The following CYP3A43 variants were observed in gnomAD, a reference collection of about 807,000 sequenced individuals.
CYP3A43 encodes cytochrome P450 family 3 subfamily A member 43, also known as cytochrome P450 3A43.
A neutral mutation model predicts 58.0 loss-of-function variants in CYP3A43; 45 were observed. The ratio of observed to expected loss-of-function variants is 0.78; its 90% CI spans 0.61 to 0.99. The LOEUF is 0.99. Among genes scored for constraint, CYP3A43 ranks in the 50% least tolerant of loss-of-function variants. The probability of loss-of-function intolerance (pLI) is 0.00; values close to 1 mark genes in which losing one functional copy is unlikely to be tolerated. For synonymous variants in CYP3A43, 191 were observed against 201.4 expected, an observed-to-expected ratio of 0.95 and a Z score of 0.44; for missense variants, 593 against 591.9, an observed-to-expected ratio of 1.00 and a Z score of -0.02.
intron 1 of CYP3A43, among the ~76,000 whole-genome samples, chr7:99,828,492 C>T (rs1816712346): frequency 1.3e-5 from 2 of 152,096 alleles, no homozygotes; most frequent in South Asian, 4.2e-4. Context: ...GAAACCCCTT[C>T]TCTACTAAAA....
chr7:99,836,652 A>C, intron 2 of CYP3A43, 106 bp downstream of exon 2: 1 of 804,270 alleles, frequency 1.2e-6, no homozygotes, highest in Non-Finnish European at 2.0e-6. Context: ...AATGTTTTAC[A>C]CTTTCAGAAA....
chr7:99,839,170 G>A lies in CYP3A43; in HGVS notation c.216G>A (p.Trp72Ter), dbSNP rs1817225330. The change falls in exon 3 of 13, where the codon TGG becomes TGA. Residue 72 changes from tryptophan to a stop codon, truncating the protein, a stop_gained and splice_region_variant. Coordinates refer to ENST00000354829, the MANE Select transcript of CYP3A43 (RefSeq NM_057095.3). LOFTEE classifies it high-confidence loss of function. ...GTAATGAAAAATACGGAGAAATGTG[G>A]GGGTGAGTATTCTGGAAACTTGCAT... ...RECNEKYGEM[W>*]GLYEGQQPML... is the part of the protein sequence containing the mutation. 2 of 1,613,996 alleles carry A rather than the reference G, an allele frequency of 1.2e-6. No individual in the cohort carries two copies. The highest frequency in any genetic ancestry group is 2.2e-5 in the South Asian group (2 of 91,082).
In CYP3A43 at chr7:99,859,836, C is replaced by G; in HGVS notation, c.872C>G (p.Ser291Cys). ...ATATTTCCTCTCCTTTCAGCTCTGTCTGATCTGGAGCTTGTGGCCCAGTCA... is the reference window on the plus strand; with the variant it reads ...ATATTTCCTCTCCTTTCAGCTCTGTGTGATCTGGAGCTTGTGGCCCAGTCA... ...SKETKSHKAL[S>C]DLELVAQSII... is the part of the protein sequence containing the mutation. The change falls in exon 10 of 13, where the codon TCT becomes TGT. Residue 291 changes from serine to cysteine, a missense_variant. Coordinates refer to ENST00000354829, the MANE Select transcript of CYP3A43 (RefSeq NM_057095.3). The G allele has an allele frequency of 6.2e-7, 1 of 1,614,178 alleles. No homozygotes were observed. Among genetic ancestry groups the G allele is most frequent in the Non-Finnish European group, 8.5e-7 (1 of 1,180,022 alleles).
At position 99,855,650 on chromosome 7, in the gene CYP3A43, G is replaced by T. The variant is rs763146841; in HGVS notation, c.730G>T (p.Asp244Tyr). The change falls in exon 8 of 13, where the codon GAT (aspartate) becomes TAT (tyrosine). Residue 244 changes from aspartate to tyrosine, a missense_variant. By Grantham distance (160) the Asp-to-Tyr change is radical. Transcript: ENST00000354829. ...EALNIGLFPK[D>Y]VTHFLKNSIE... ...CCTAAATATCGGTTTGTTTCCAAAAGATGTTACCCATTTTTTAAAAAATTC... is the reference window on the plus strand; with the variant it reads ...CCTAAATATCGGTTTGTTTCCAAAATATGTTACCCATTTTTTAAAAAATTC... 5 of 1,613,496 alleles carry T rather than the reference G, an allele frequency of 3.1e-6. No individual in the cohort carries two copies. Among genetic ancestry groups the T allele is most frequent in the Non-Finnish European group, 4.2e-6 (5 of 1,179,848 alleles).
chr7:99,837,592 A>G (rs1163127698), intron 2 of CYP3A43, among the ~76,000 whole-genome samples: 2 of 152,182 alleles, frequency 1.3e-5, no homozygotes, highest in African/African-American at 4.8e-5. Context: ...TAATGAAGAC[A>G]ATATGGAGGC....
At chr7:99,863,920 T>C (rs1436281839) in intron 12 of CYP3A43, among the ~76,000 whole-genome samples, 1 of 148,624 alleles carries the variant, frequency 6.7e-6, no homozygotes, top group Admixed American at 6.6e-5. Flanking sequence ...CAATATAGAT[T>C]AGCATGGTAT....
chr7:99,854,928 A>G (rs771226683), intron 7 of CYP3A43, among the ~76,000 whole-genome samples: 2 of 150,352 alleles, frequency 1.3e-5, no homozygotes, highest in Non-Finnish European at 3.0e-5. Context: ...TCTGTCACTC[A>G]GGCTGGAGTA....
At chr7:99,859,587 A>C (rs150585827) in intron 9 of CYP3A43, among the ~76,000 whole-genome samples, 7 of 152,294 alleles carry the variant, frequency 4.6e-5, no homozygotes, top group African/African-American at 1.7e-4. Context: ...TGGGGATGGT[A>C]TGATGAGGAG....
At chr7:99,828,378 T>C (rs2151583228) in intron 1 of CYP3A43, among the ~76,000 whole-genome samples, 192 bp downstream of exon 1, 1 of 152,250 alleles carries the variant, frequency 6.6e-6, no homozygotes, top group South Asian at 2.1e-4. Context: ...AAATGTAAAA[T>C]TTAGTCTGGG....
At chr7:99,857,137 G>A (rs1044790847) in intron 9 of CYP3A43, among the ~76,000 whole-genome samples, 1 of 152,190 alleles carries the variant, frequency 6.6e-6, no homozygotes, top group Admixed American at 6.5e-5. Context: ...AGGTCGGTCA[G>A]TGATCTGTGG....
chr7:99,847,633 C>T (rs781512172), intron 5 of CYP3A43, 32 bp downstream of exon 5: 3 of 1,611,092 alleles, frequency 1.9e-6, no homozygotes, highest in East Asian at 2.2e-5. Context: ...TAATTAGAAA[C>T]TTAAAGGATG....
intron 4 of CYP3A43, among the ~76,000 whole-genome samples, chr7:99,845,858 C>T (rs1817526328): frequency 6.6e-6 from 1 of 151,898 alleles, no homozygotes; most frequent in Non-Finnish European, 1.5e-5. Flanking sequence ...TCACTCTAGC[C>T]TCTGCCTCCC....
Position 99,844,174 on chromosome 7 carries a change from A to G in CYP3A43, c.250A>G (p.Ile84Val). 4.3e-6 allele frequency: 7 copies of G among 1,614,048 alleles called. No individual in the cohort carries two copies. The highest frequency in any genetic ancestry group is 5.9e-6 in the Non-Finnish European group (7 of 1,179,996). The change falls in exon 4 of 13, where the codon ATC becomes GTC. Residue 84 changes from isoleucine to valine, a missense_variant. Ile to Val is a conservative substitution (Grantham distance 29). Transcript: ENST00000354829. ...LYEGQQPMLV[I>V]MDPDMIKTVL... ...TGAGGGGCAACAGCCCATGCTGGTC[A>G]TCATGGATCCCGACATGATCAAAAC...
At chr7:99,828,392 G>A (rs898387484) in intron 1 of CYP3A43, among the ~76,000 whole-genome samples, 2 of 152,102 alleles carry the variant, frequency 1.3e-5, no homozygotes, top group Admixed American at 1.3e-4. Context: ...GTCTGGGTGC[G>A]GTGGCTCACA....
intron 6 of CYP3A43, among the ~76,000 whole-genome samples, chr7:99,849,265 G>T (rs1027135827): frequency 2.6e-5 from 4 of 152,214 alleles, no homozygotes; most frequent in Admixed American, 2.0e-4. Flanking sequence ...TACTGTAATT[G>T]TCTGATTATT....
In CYP3A43 at chr7:99,848,223, G is replaced by T; in HGVS notation, c.490G>T (p.Ala164Ser). The T allele has an allele frequency of 6.2e-7, 1 of 1,614,168 alleles. No individual in the cohort carries two copies. Among genetic ancestry groups the T allele is most frequent in the Non-Finnish European group, 8.5e-7 (1 of 1,180,012 alleles). ...GTTGGTGAGAAGCCTGAGGCAGGAAGCAGAGAACAGCAAGTCCATCAACTT... is the reference window on the plus strand; with the variant it reads ...GTTGGTGAGAAGCCTGAGGCAGGAATCAGAGAACAGCAAGTCCATCAACTT... The part of the protein sequence containing the change: ...DMLVRSLRQE[A>S]ENSKSINLKD... Residue 164 changes from alanine to serine, a missense_variant, in exon 6 of 13, where the codon GCA (alanine) becomes TCA (serine). Transcript: ENST00000354829.
chr7:99,837,017 G>A (rs993499097), intron 2 of CYP3A43, among the ~76,000 whole-genome samples: 2 of 152,002 alleles, frequency 1.3e-5, no homozygotes, highest in Admixed American at 6.6e-5. Context: ...TGAAAATTCA[G>A]TTCATTGGCT....
chr7:99,846,888 G>A (rs1366519015), intron 4 of CYP3A43, among the ~76,000 whole-genome samples: 2 of 152,118 alleles, frequency 1.3e-5, no homozygotes, highest in African/African-American at 2.4e-5. Flanking sequence ...TCGCAAGTTG[G>A]GAAATAGCAT....
chr7:99,857,005 C>T lies in CYP3A43; in HGVS notation c.865+106C>T, dbSNP rs1040875742. 7 of 1,335,716 alleles carry T rather than the reference C, an allele frequency of 5.2e-6. No individual in the cohort carries two copies. In the African/African-American group the frequency reaches 7.5e-5, roughly 14 times the overall value. The allele number at this position is 1,335,716 out of a possible 1,614,324, so 82.7% of individuals were successfully genotyped here. A position where few individuals can be genotyped will look rare whatever the true frequency, so the allele number is the denominator to read the frequency against. On this transcript the variant is annotated intron_variant, in intron 9 of 12. Coordinates refer to ENST00000354829, the MANE Select transcript of CYP3A43 (RefSeq NM_057095.3). ...TCCAGGAAAATGAGAATTTCTTCCA[C>T]ATTGCAGAAAGGCACACATTTGGAT...
Sources: allele counts gnomAD v4.1 joint callset (sites outside exome capture counted in the v4.1 genomes callset), GRCh38; gene constraint gnomAD v4.1.1; transcripts MANE v1.5; gene names NCBI Gene and HGNC (gene_info 2026-07-23, HGNC 2026-07-21).